The following GPC5 variants were observed in gnomAD, a reference collection of about 807,000 sequenced individuals.
GPC5 encodes glypican-5.
Under a neutral mutation model 53.9 loss-of-function variants are expected in GPC5, and 47 were observed. The ratio of observed to expected loss-of-function variants is 0.87; its 90% CI spans 0.69 to 1.11. The LOEUF is 1.11. Among genes scored for constraint, GPC5 ranks in the 50% most tolerant of loss-of-function variants. The probability of loss-of-function intolerance (pLI) is 0.00; values close to 1 mark genes in which losing one functional copy is unlikely to be tolerated. For missense variants in GPC5, 748 were observed against 713.1 expected, an observed-to-expected ratio of 1.05 and a Z score of -0.56; for synonymous variants, 286 against 263.3, an observed-to-expected ratio of 1.09 and a Z score of -0.84.
intron 7 of GPC5, among the ~76,000 whole-genome samples, chr13:92,173,818 C>T (rs1293270385): frequency 2.0e-5 from 3 of 152,146 alleles, no homozygotes; most frequent in African/African-American, 7.2e-5. Flanking sequence ...AATATTAAGA[C>T]ATCTAGGCCA....
At chr13:92,852,811 A>G (rs1878859749) in intron 7 of GPC5, among the ~76,000 whole-genome samples, 2 of 152,158 alleles carry the variant, frequency 1.3e-5, no homozygotes, top group African/African-American at 4.8e-5. Context: ...TTTGAAGCAT[A>G]TATTGATATG....
chr13:91,750,709 T>C (rs2037155480), intron 4 of GPC5, among the ~76,000 whole-genome samples: 1 of 146,854 alleles, frequency 6.8e-6, no homozygotes, highest in Non-Finnish European at 1.5e-5. Flanking sequence ...AGATGGAGTT[T>C]CGCTCTTGCT....
chr13:91,709,844 T>A (rs1481453961), intron 3 of GPC5, among the ~76,000 whole-genome samples: 2 of 152,252 alleles, frequency 1.3e-5, no homozygotes, highest in African/African-American at 2.4e-5. Flanking sequence ...ATGCATTGGC[T>A]GGACCACAGC....
At chr13:92,834,977 A>C (rs142812305) in intron 7 of GPC5, among the ~76,000 whole-genome samples, 1 of 152,206 alleles carries the variant, frequency 6.6e-6, no homozygotes, top group African/African-American at 2.4e-5. Flanking sequence ...ATAAGAAAAA[A>C]TCTTGCCCCT....
In GPC5 at chr13:91,744,184, C is replaced by T. The variant is rs527951297; in HGVS notation, c.1155-12111C>T. ...ATTAACATAATGGAAGGATGCATAA[C>T]CTTAATCCTTATCACATAAACATAT... On this transcript the variant is annotated intron_variant, in intron 4 of 7. Transcript: ENST00000377067. 2.5e-3 allele frequency among the ~76,000 whole-genome samples: 382 copies of T among 152,104 alleles called. 3 individuals are homozygous for T. Among genetic ancestry groups the T allele is most frequent in the African/African-American group, 8.6e-3 (358 of 41,508 alleles).
intron 7 of GPC5, among the ~76,000 whole-genome samples, chr13:92,250,468 G>T (rs2042684613): frequency 6.6e-6 from 1 of 152,076 alleles, no homozygotes. Context: ...CCATGTGTTT[G>T]AGTTGAGCAG....
At chr13:92,238,027 T>C (rs2042582831) in intron 7 of GPC5, among the ~76,000 whole-genome samples, 1 of 152,106 alleles carries the variant, frequency 6.6e-6, no homozygotes, top group South Asian at 2.1e-4. Flanking sequence ...AATAACTTAT[T>C]GTATGGTTAT....
intron 2 of GPC5, among the ~76,000 whole-genome samples, chr13:91,685,744 A>G (rs191534096): frequency 6.6e-6 from 1 of 152,270 alleles, no homozygotes; most frequent in East Asian, 1.9e-4. Flanking sequence ...ATGAATATCA[A>G]AAGAAACTAG....
rs556690396 is a variant in GPC5, at chr13:92,747,327, G to C, written c.1562-118955G>C. Reference sequence around the variant, plus strand: ...TGCTTAAGACCAGTGGTATTCTCTTGCATTATTCCTTTAAGCCAGAGATAA... The same window carrying C: ...TGCTTAAGACCAGTGGTATTCTCTTCCATTATTCCTTTAAGCCAGAGATAA... On this transcript the variant is annotated intron_variant, in intron 7 of 7. Transcript: ENST00000377067. Among the ~76,000 whole-genome samples, 4 of 152,194 alleles carry C rather than the reference G, an allele frequency of 2.6e-5. No homozygotes were observed. The East Asian group carries it at 7.7e-4, about 29-fold the overall frequency.
intron 2 of GPC5, among the ~76,000 whole-genome samples, chr13:91,594,100 G>GA (rs1234176664): frequency 1.3e-5 from 2 of 152,068 alleles, no homozygotes; most frequent in Non-Finnish European, 2.9e-5. Context: ...GTTTTTCTTA[G>GA]ACATTAATTT....
intron 7 of GPC5, among the ~76,000 whole-genome samples, chr13:92,724,911 C>CAA (rs1555306825): frequency 4.9e-5 from 7 of 144,142 alleles, no homozygotes; most frequent in Non-Finnish European, 7.5e-5. Flanking sequence ...CACACACACA[C>CAA]AAGAAAGAAA....
At chr13:92,693,977 C>G (rs9523777) in intron 7 of GPC5, among the ~76,000 whole-genome samples, 10,465 of 152,244 alleles carry the variant, frequency 0.069, 498 homozygotes, top group Non-Finnish European at 0.11. Flanking sequence ...AGACTCAGGA[C>G]TTGGTGCCCT....
chr13:91,557,165 G>T (rs1178255218), intron 2 of GPC5, among the ~76,000 whole-genome samples: 1 of 151,868 alleles, frequency 6.6e-6, no homozygotes, highest in Non-Finnish European at 1.5e-5. Flanking sequence ...TTACCTTCTT[G>T]CCAGCTATGT....
At chr13:92,408,717 T>G (rs1357041491) in intron 7 of GPC5, among the ~76,000 whole-genome samples, 3 of 152,026 alleles carry the variant, frequency 2.0e-5, no homozygotes. Context: ...ATGTTCAGTG[T>G]GATACCAATC....
intron 7 of GPC5, among the ~76,000 whole-genome samples, chr13:92,612,969 A>G (rs1884489362): frequency 6.6e-6 from 1 of 151,884 alleles, no homozygotes; most frequent in African/African-American, 2.4e-5. Flanking sequence ...TAACACTCCT[A>G]GTAGGCACTG....
chr13:91,419,718 C>T (rs3783052), intron 1 of GPC5, among the ~76,000 whole-genome samples: 100,213 of 151,970 alleles, frequency 0.66, 33,569 homozygotes, highest in African/African-American at 0.76. Flanking sequence ...TGCCTGGTAA[C>T]AAGACGTATT....
intron 2 of GPC5, among the ~76,000 whole-genome samples, chr13:91,575,529 A>G (rs2032099153): frequency 6.6e-6 from 1 of 152,090 alleles, no homozygotes; most frequent in African/African-American, 2.4e-5. Context: ...TTTAGCTAGC[A>G]TATAATCTTT....
At chr13:92,141,041 G>T (rs959127041) in intron 6 of GPC5, among the ~76,000 whole-genome samples, 1 of 152,192 alleles carries the variant, frequency 6.6e-6, no homozygotes. Flanking sequence ...GAGAGAGGAA[G>T]TGAGGAGAAA....
At chr13:92,588,598 TAGTC>T (rs1883619232) in intron 7 of GPC5, among the ~76,000 whole-genome samples, 1 of 152,212 alleles carries the variant, frequency 6.6e-6, no homozygotes, top group Non-Finnish European at 1.5e-5. Context: ...ATAACACTGT[TAGTC>T]TCTTTCTAGG....
Sources: allele counts gnomAD v4.1 joint callset (sites outside exome capture counted in the v4.1 genomes callset), GRCh38; gene constraint gnomAD v4.1.1; transcripts MANE v1.5; gene names NCBI Gene and HGNC (gene_info 2026-07-23, HGNC 2026-07-21).